The following PAX6 variants were observed in gnomAD, a reference collection of about 807,000 sequenced individuals.
PAX6 encodes paired box protein Pax-6.
In PAX6, 7 loss-of-function variants were observed where a neutral mutation model predicts 60.7. That is an observed-to-expected ratio of 0.12 (90% CI 0.07 to 0.22). PAX6 has a LOEUF of 0.22. Among genes scored for constraint, PAX6 ranks in the 10% least tolerant of loss-of-function variants. PAX6 has a pLI of 1.00. For missense variants in PAX6, 355 were observed against 555.2 expected (o/e 0.64, Z 3.62); for synonymous variants, 208 against 201.2 (o/e 1.03, Z -0.29).
chr11:31,817,542 A>C (rs1957435978), intron 1 of PAX6, among the ~76,000 whole-genome samples: 1 of 152,252 alleles, frequency 6.6e-6, no homozygotes, highest in South Asian at 2.1e-4. Context: ...CTCCCAGCTC[A>C]GGGCCGGACT....
intron 8 of PAX6, among the ~76,000 whole-genome samples, chr11:31,796,275 T>C (rs1016544320): frequency 2.0e-5 from 3 of 152,070 alleles, no homozygotes; most frequent in East Asian, 1.9e-4. Context: ...TGGCAAACTT[T>C]CGTGGGCAGA....
chr11:31,801,046 T>G (rs1644016054), intron 7 of PAX6, 190 bp from the exon 8 acceptor site: 1 of 774,826 alleles, frequency 1.3e-6, no homozygotes, highest in Non-Finnish European at 2.1e-6. Context: ...GCATGGAAAT[T>G]TAGTTGGATA....
chr11:31,817,551 CTGGAAGTCCACTCTTAGGAG>C (rs1392947505), intron 1 of PAX6, among the ~76,000 whole-genome samples: 1 of 152,256 alleles, frequency 6.6e-6, no homozygotes, highest in African/African-American at 2.4e-5. Context: ...CAGGGCCGGA[CTGGAAGTCCACTCTTAGGAG>C]TGGAACATTT....
At chr11:31,790,378 A>G in intron 13 of PAX6, 1 of 1,137,826 alleles carries the variant, frequency 8.8e-7, no homozygotes, top group Non-Finnish European at 1.1e-6. Flanking sequence ...TATGAGGGCA[A>G]GAAGCATTTC....
In PAX6 at chr11:31,811,253, T is replaced by C. The variant is rs991669239; in HGVS notation, c.-455A>G. 66 of 399,130 alleles carry C rather than the reference T, an allele frequency of 1.7e-4. No individual in the cohort carries two copies. The highest frequency in any genetic ancestry group is 1.2e-3 in the African/African-American group (58 of 48,772). The allele number at this position is 399,130 out of a possible 1,614,324, so 24.7% of individuals were successfully genotyped here. ...CCAGCAAAACACTTCCTCCTGCGCCTGAACCAGAGCGGGAAATGAGGCCGA... is the reference window on the plus strand; with the variant it reads ...CCAGCAAAACACTTCCTCCTGCGCCCGAACCAGAGCGGGAAATGAGGCCGA... On this transcript the variant is annotated 5_prime_UTR_variant, in exon 1 of 14. Transcript: ENST00000640368.
chr11:31,793,904 T>G, intron 10 of PAX6, 102 bp from the exon 11 acceptor site: 1 of 1,403,230 alleles, frequency 7.1e-7, no homozygotes, highest in South Asian at 1.2e-5. Context: ...CAGCAGAGCA[T>G]TTAGCAGACT....
At chr11:31,804,843 C>G (rs1195636566) in intron 4 of PAX6, 1 of 152,296 alleles carries the variant, frequency 6.6e-6, no homozygotes, top group Non-Finnish European at 1.5e-5. Flanking sequence ...CAAAAAATAA[C>G]AACGTGCCAG....
intron 9 of PAX6, 175 bp downstream of exon 9, chr11:31,794,455 C>CTGA: frequency 3.2e-6 from 2 of 623,354 alleles, no homozygotes; most frequent in Admixed American, 2.4e-5. Flanking sequence ...CACACACACA[C>CTGA]ACACACACAC....
rs1953860380 is a variant in PAX6 at position 31,801,551 on chromosome 11, A to G, written c.399+10T>C. 2 of 1,614,136 alleles carry G rather than the reference A, an allele frequency of 1.2e-6. No individual in the cohort carries two copies. Among genetic ancestry groups the G allele is most frequent in the Non-Finnish European group, 1.7e-6 (2 of 1,180,038 alleles). ...AGGGCAGGGAGGGCAGATGTTCTCA[A>G]TGAACTTACGCTTGGTATGTTATCG... is the stretch of plus-strand genomic sequence containing the variant. On this transcript the variant is annotated intron_variant, in intron 7 of 13. Transcript: ENST00000640368.
At chr11:31,806,242 G>A (rs867667369) in intron 4 of PAX6, 160 bp downstream of exon 4, 36 of 684,508 alleles carry the variant, frequency 5.3e-5, no homozygotes, top group South Asian at 1.4e-4. Context: ...TCCCCTCCCG[G>A]GCTGCCGGGC....
At chr11:31,797,198 C>G (rs1951857899) in intron 8 of PAX6, among the ~76,000 whole-genome samples, 1 of 152,080 alleles carries the variant, frequency 6.6e-6, no homozygotes, top group African/African-American at 2.4e-5. Context: ...CACTCATGCC[C>G]ATGCCTTCCT....
At position 31,794,724 on chromosome 11, in the gene PAX6, A is replaced by ATCT; in HGVS notation, c.627_629dup (p.Glu209dup). 1 of 1,614,118 alleles carries ATCT rather than the reference A, an allele frequency of 6.2e-7. No individual in the cohort carries two copies. Among genetic ancestry groups the ATCT allele is most frequent in the Non-Finnish European group, 8.5e-7 (1 of 1,179,996 alleles). On this transcript the variant is annotated inframe_insertion, in exon 9 of 14. Coordinates refer to ENST00000640368, the MANE Select transcript of PAX6 (RefSeq NM_001368894.2). ...GAAGTCGCATTTGAGCCTCATCTGA[A>ATCT]TCTTCTCCGTTGGAACTGATGGAGT... is the stretch of plus-strand genomic sequence containing the variant.
chr11:31,794,607 T>A (rs1950949521), intron 9 of PAX6, 23 bp downstream of exon 9: 1 of 1,613,812 alleles, frequency 6.2e-7, no homozygotes, highest in Admixed American at 1.7e-5. Context: ...TTACTGCTTC[T>A]CTACTTTGAA....
chr11:31,806,634 A>G (rs1955876658), intron 3 of PAX6, 172 bp from the exon 4 acceptor site: 1 of 591,644 alleles, frequency 1.7e-6, no homozygotes, highest in Admixed American at 2.8e-5. Context: ...TGCAGTGCAT[A>G]CAAAATCTAC....
chr11:31,793,318 A>G (rs1950463790), intron 12 of PAX6, 120 bp downstream of exon 12: 4 of 827,446 alleles, frequency 4.8e-6, no homozygotes, highest in Non-Finnish European at 8.5e-6. Context: ...GGTCAAGCCA[A>G]TCACTGTAGT....
At chr11:31,813,398 G>GGA (rs1957222846), upstream of PAX6, among the ~76,000 whole-genome samples, 1 of 108,542 alleles carries the variant, frequency 9.2e-6, no homozygotes, top group African/African-American at 3.4e-5. Context: ...GCGGGGGGGG[G>GGA]GGAAGTGATT....
intron 12 of PAX6, chr11:31,791,793 A>G (rs183861267): frequency 1.3e-5 from 2 of 152,394 alleles, no homozygotes; most frequent in East Asian, 3.9e-4. Flanking sequence ...TTTGGTCAAG[A>G]GAATGAATAA....
At chr11:31,802,030 G>A in intron 5 of PAX6, 118 bp from the exon 6 acceptor site, 2 of 857,450 alleles carry the variant, frequency 2.3e-6, no homozygotes, top group Non-Finnish European at 1.8e-6. Context: ...CAAACAATTT[G>A]AACTAAAAAA....
chr11:31,811,948 A>T (rs568049773), upstream of PAX6: 1 of 152,410 alleles, frequency 6.6e-6, no homozygotes, highest in South Asian at 2.1e-4. Context: ...AGGCCTCCCC[A>T]GCCCAAGCCT....
Sources: allele counts gnomAD v4.1 joint callset (sites outside exome capture counted in the v4.1 genomes callset), GRCh38; gene constraint gnomAD v4.1.1; transcripts MANE v1.5; gene names NCBI Gene and HGNC (gene_info 2026-07-23, HGNC 2026-07-21).